Variants in CALHM5 observed in about 807,000 individuals in gnomAD.
CALHM5 encodes the protein calcium homeostasis modulator family member 5.
A neutral mutation model predicts 20.9 loss-of-function variants in CALHM5; 17 were observed. That is an observed-to-expected ratio of 0.82 (90% confidence interval 0.56 to 1.22). The LOEUF (loss-of-function observed/expected upper bound fraction) is 1.22, where lower values mean the gene tolerates loss of function less well. CALHM5 is among the 50% of genes most tolerant of loss of function. The probability of loss-of-function intolerance (pLI) is 0.00; values close to 1 mark genes in which losing one functional copy is unlikely to be tolerated. For synonymous variants in CALHM5, 148 were observed against 140.0 expected, an observed-to-expected ratio of 1.06 and a Z score of -0.40; for missense variants, 360 against 364.6, an observed-to-expected ratio of 0.99 and a Z score of 0.10.
Position 116,515,572 on chromosome 6 carries a change from G to C in CALHM5, c.541-28G>C, listed in dbSNP as rs1297429199. On this transcript the variant is annotated intron_variant, in intron 1 of 1. Transcript: ENST00000368599. ...TCCCTAAATGGCTTTGCTTTCACGT[G>C]TGTACTCAATATTTCTTTCTTCTTA... The C allele has an allele frequency of 3.2e-6, 5 of 1,579,106 alleles. No homozygotes were observed. In the South Asian group the frequency reaches 5.9e-5, roughly 19 times the overall value.
At position 116,518,883 on chromosome 6, in the gene CALHM5, A is replaced by C. The variant is rs1772280301; in HGVS notation, c.*2894A>C. 1 of 152,252 alleles carries C rather than the reference A, an allele frequency of 6.6e-6. No individual in the cohort carries two copies. Among genetic ancestry groups the C allele is most frequent in the Admixed American group, 6.5e-5 (1 of 15,278 alleles). 9.4% of individuals were successfully genotyped at this position (152,252 alleles called of 1,614,324 possible). A position where few individuals can be genotyped will look rare whatever the true frequency, so the allele number is the denominator to read the frequency against. ...TACTTGTTGCTGCAGCTTAGTAAGT[A>C]GCAGAAGAGCTCATCCTCCTCCTCT... On this transcript the variant is annotated 3_prime_UTR_variant, in exon 2 of 2. Transcript: ENST00000368599.
chr6:116,514,185 T>C (rs904000014), intron 1 of CALHM5, among the ~76,000 whole-genome samples: 3 of 152,074 alleles, frequency 2.0e-5, no homozygotes, highest in Non-Finnish European at 4.4e-5. Context: ...CATCGGTCAA[T>C]GCAAACGTCA....
chr6:116,516,191 G>C lies in CALHM5; in HGVS notation c.*202G>C. 3 of 585,050 alleles carry C rather than the reference G, an allele frequency of 5.1e-6. No homozygotes were observed. Among genetic ancestry groups the C allele is most frequent in the Non-Finnish European group, 5.3e-6 (2 of 376,880 alleles). 36.2% of individuals were successfully genotyped at this position (585,050 alleles called of 1,614,324 possible). On this transcript the variant is annotated 3_prime_UTR_variant, in exon 2 of 2. Transcript: ENST00000368599. The stretch of plus-strand genomic sequence containing the variant: ...AAATTGATGCTGAGGGGTGACAAAG[G>C]TGCTCTTGCATTGGTGGAGAGGGGC...
Position 116,516,232 on chromosome 6 carries a change from G to A in CALHM5, c.*243G>A, listed in dbSNP as rs917670405. On this transcript the variant is annotated 3_prime_UTR_variant, in exon 2 of 2. Coordinates refer to ENST00000368599, the MANE Select transcript of CALHM5 (RefSeq NM_153711.5). Reference sequence around the variant, plus strand: ...GGAGAGGGGCTCAGTAGGCCTAAATGTTGCTCCAAGATCTAAGATTTTATC... The same window carrying A: ...GGAGAGGGGCTCAGTAGGCCTAAATATTGCTCCAAGATCTAAGATTTTATC... The A allele has an allele frequency of 1.1e-4, 41 of 384,354 alleles. No individual in the cohort carries two copies. The highest frequency in any genetic ancestry group is 8.2e-4 in the African/African-American group (40 of 48,726). 23.8% of individuals were successfully genotyped at this position (384,354 alleles called of 1,614,324 possible).
Position 116,521,967 on chromosome 6 carries a change from C to G in CALHM5, c.*5978C>G, listed in dbSNP as rs1185230608. The stretch of plus-strand genomic sequence containing the variant: ...CCACTATGTAAGAACTGCAATTACT[C>G]AGGGACTACCAAGCTCTGAAGAGGC... On this transcript the variant is annotated 3_prime_UTR_variant, in exon 2 of 2. Transcript: ENST00000368599. The G allele has an allele frequency of 6.6e-6, 1 of 152,008 alleles. No homozygotes were observed. Among genetic ancestry groups the G allele is most frequent in the Non-Finnish European group, 1.5e-5 (1 of 68,006 alleles). The allele number at this position is 152,008 out of a possible 1,614,324, so 9.4% of individuals were successfully genotyped here. A position where few individuals can be genotyped will look rare whatever the true frequency, so the allele number is the denominator to read the frequency against.
chr6:116,515,945 G>A lies in CALHM5; in HGVS notation c.886G>A (p.Asp296Asn). The A allele has an allele frequency of 1.2e-6, 2 of 1,612,218 alleles. No homozygotes were observed. The highest frequency in any genetic ancestry group is 1.7e-6 in the Non-Finnish European group (2 of 1,178,642). The change falls in exon 2 of 2, where the codon GAT becomes AAT. Residue 296 changes from aspartate to asparagine, a missense_variant. Asp to Asn is a conservative substitution (Grantham distance 23, BLOSUM62 1). Transcript: ENST00000368599. Reference protein sequence around the residue: ...DNGLQLSPEDDETTMVLVGTA... With the variant: ...DNGLQLSPEDNETTMVLVGTA... The stretch of plus-strand genomic sequence containing the variant: ...TGGTCTGCAACTTAGCCCTGAGGAT[G>A]ATGAGACGACAATGGTCCTTGTGGG...
chr6:116,512,290 T>A (rs1465489186), intron 1 of CALHM5, 54 bp downstream of exon 1: 11 of 1,522,700 alleles, frequency 7.2e-6, no homozygotes, highest in Non-Finnish European at 9.7e-6. Flanking sequence ...AAGTATTCTC[T>A]CTGTGCTCCT....
intron 1 of CALHM5, chr6:116,512,452 G>A: frequency 1.9e-6 from 1 of 535,604 alleles, no homozygotes; most frequent in Non-Finnish European, 3.3e-6. Context: ...TTCCGGTTCT[G>A]AAAAGAAAAT....
Position 116,518,047 on chromosome 6 carries a change from T to G in CALHM5, c.*2058T>G, listed in dbSNP as rs1772261762. On this transcript the variant is annotated 3_prime_UTR_variant, in exon 2 of 2. Transcript: ENST00000368599. ...TGCCTCCATCTGGCTGTTTCTGAGTTATATTATTTTATAATAGACTGATGA... is the reference window on the plus strand; with the variant it reads ...TGCCTCCATCTGGCTGTTTCTGAGTGATATTATTTTATAATAGACTGATGA... The G allele has an allele frequency of 6.6e-6, 1 of 152,272 alleles. No individual in the cohort carries two copies. Among genetic ancestry groups the G allele is most frequent in the Non-Finnish European group, 1.5e-5 (1 of 68,088 alleles). The allele number at this position is 152,272 out of a possible 1,614,324, so 9.4% of individuals were successfully genotyped here. A position where few individuals can be genotyped will look rare whatever the true frequency, so the allele number is the denominator to read the frequency against.
chr6:116,515,879 A>G lies in CALHM5; in HGVS notation c.820A>G (p.Ser274Gly). Residue 274 changes from serine (S) to glycine (G), a missense_variant, in exon 2 of 2, where the codon AGC becomes GGC. Transcript: ENST00000368599. ...TTCAGAGCTGCATTCTTTCCACCAA[A>G]GCCAGCAACACTATAGCACCCTCCA... ...AASELHSFHQ[S>G]QQHYSTLHRV... 6.2e-7 allele frequency: 1 copy of G among 1,613,920 alleles called. No individual in the cohort carries two copies. The highest frequency in any genetic ancestry group is 2.2e-5 in the East Asian group (1 of 44,870).
chr6:116,514,490 C>G (rs1052567027), intron 1 of CALHM5, among the ~76,000 whole-genome samples: 1 of 152,200 alleles, frequency 6.6e-6, no homozygotes, highest in African/African-American at 2.4e-5. Context: ...ATAATATTAG[C>G]TAAAACTTAA....
chr6:116,515,009 T>C (rs1772195197), intron 1 of CALHM5, among the ~76,000 whole-genome samples: 1 of 152,222 alleles, frequency 6.6e-6, no homozygotes, highest in Non-Finnish European at 1.5e-5. Context: ...GGAAAGAGTT[T>C]GTTTTTTCTA....
In CALHM5 at chr6:116,519,502, T is replaced by A. The variant is rs750137102; in HGVS notation, c.*3513T>A. 1 of 152,226 alleles carries A rather than the reference T, an allele frequency of 6.6e-6. No individual in the cohort carries two copies. Among genetic ancestry groups the A allele is most frequent in the Non-Finnish European group, 1.5e-5 (1 of 68,060 alleles). 9.4% of individuals were successfully genotyped at this position (152,226 alleles called of 1,614,324 possible). On this transcript the variant is annotated 3_prime_UTR_variant, in exon 2 of 2. Transcript: ENST00000368599. ...CTGCCGAACTGGGACATTGGCACCCTGGATTTGAATATCTAGAGAGGGCAC... is the reference window on the plus strand; with the variant it reads ...CTGCCGAACTGGGACATTGGCACCCAGGATTTGAATATCTAGAGAGGGCAC...
At position 116,519,336 on chromosome 6, in the gene CALHM5, G is replaced by T. The variant is rs1031955540; in HGVS notation, c.*3347G>T. ...GACTTCAGCCTCAGCTTGACCTATG[G>T]GGGGGCTCTGGAATGTCAGATTTCT... On this transcript the variant is annotated 3_prime_UTR_variant, in exon 2 of 2. Coordinates refer to ENST00000368599, the MANE Select transcript of CALHM5 (RefSeq NM_153711.5). 1.8e-5 allele frequency: 1 copy of T among 55,494 alleles called. No homozygotes were observed. Among genetic ancestry groups the T allele is most frequent in the African/African-American group, 3.8e-5 (1 of 26,634 alleles). 3.4% of individuals were successfully genotyped at this position (55,494 alleles called of 1,614,324 possible).
At position 116,511,840 on chromosome 6, in the gene CALHM5, G is replaced by C; in HGVS notation, c.144G>C (p.Met48Ile). 1 of 1,614,044 alleles carries C rather than the reference G, an allele frequency of 6.2e-7. No individual in the cohort carries two copies. The highest frequency in any genetic ancestry group is 8.5e-7 in the Non-Finnish European group (1 of 1,179,994). Residue 48 changes from methionine to isoleucine, a missense_variant, in exon 1 of 2, where the codon ATG becomes ATC. By Grantham distance (10) the Met-to-Ile change is conservative. Transcript: ENST00000368599. ...AGTGCCCCTGCAGCACTGAGAATATGACCTATGGGCTGGTTTTCCTCTTTG... is the reference window on the plus strand; with the variant it reads ...AGTGCCCCTGCAGCACTGAGAATATCACCTATGGGCTGGTTTTCCTCTTTG... ...AFKCPCSTEN[M>I]TYGLVFLFAP...
chr6:116,516,910 T>C lies in CALHM5; in HGVS notation c.*921T>C, dbSNP rs1692652163. 6.6e-6 allele frequency: 1 copy of C among 152,008 alleles called. No individual in the cohort carries two copies. Among genetic ancestry groups the C allele is most frequent in the African/African-American group, 2.4e-5 (1 of 41,352 alleles). The allele number at this position is 152,008 out of a possible 1,614,324, so 9.4% of individuals were successfully genotyped here. A position where few individuals can be genotyped will look rare whatever the true frequency, so the allele number is the denominator to read the frequency against. On this transcript the variant is annotated 3_prime_UTR_variant, in exon 2 of 2. Transcript: ENST00000368599. The stretch of plus-strand genomic sequence containing the variant: ...ATGTCTTAGTGCGTTTGGGCTACTA[T>C]AACAAAATATCATAGATAGGTGGCT...
At position 116,521,111 on chromosome 6, in the gene CALHM5, T is replaced by C. The variant is rs953353728; in HGVS notation, c.*5122T>C. Reference sequence around the variant, plus strand: ...GTGCATGTGTGTGTGTGTATGCGTGTATATATATATATGCTACATATATGA... The same window carrying C: ...GTGCATGTGTGTGTGTGTATGCGTGCATATATATATATGCTACATATATGA... On this transcript the variant is annotated 3_prime_UTR_variant, in exon 2 of 2. Transcript: ENST00000368599. 6.7e-6 allele frequency: 1 copy of C among 149,080 alleles called. No homozygotes were observed. Among genetic ancestry groups the C allele is most frequent in the African/African-American group, 2.4e-5 (1 of 40,988 alleles). 9.2% of individuals were successfully genotyped at this position (149,080 alleles called of 1,614,324 possible).
At chr6:116,512,795 G>A (rs1562339433) in intron 1 of CALHM5, among the ~76,000 whole-genome samples, 1 of 152,162 alleles carries the variant, frequency 6.6e-6, no homozygotes, top group Non-Finnish European at 1.5e-5. Context: ...AATTTTCCTT[G>A]TATGGTAGGA....
Position 116,522,180 on chromosome 6 carries a change from A to G in CALHM5, c.*6191A>G, listed in dbSNP as rs1033481062. On this transcript the variant is annotated 3_prime_UTR_variant, in exon 2 of 2. Coordinates refer to ENST00000368599, the MANE Select transcript of CALHM5 (RefSeq NM_153711.5). The stretch of plus-strand genomic sequence containing the variant: ...CCAGGAAGTCCAACCAACAGTGAGA[A>G]TAAAAGGCCCCAGATCTATGGCCCT... The G allele has an allele frequency of 6.6e-6, 1 of 152,456 alleles. No homozygotes were observed. Among genetic ancestry groups the G allele is most frequent in the Non-Finnish European group, 1.5e-5 (1 of 68,116 alleles). The allele number at this position is 152,456 out of a possible 1,614,324, so 9.4% of individuals were successfully genotyped here.
Sources: allele counts gnomAD v4.1 joint callset (sites outside exome capture counted in the v4.1 genomes callset), GRCh38; gene constraint gnomAD v4.1.1; transcripts MANE v1.5; gene names NCBI Gene and HGNC (gene_info 2026-07-23, HGNC 2026-07-21).